The following QSER1 variants were observed in gnomAD, a reference collection of about 807,000 sequenced individuals.
QSER1 encodes the protein glutamine and serine-rich protein 1.
A neutral mutation model predicts 158.5 loss-of-function variants in QSER1; 49 were observed. The observed-to-expected ratio is 0.31, with a 90% confidence interval of 0.25 to 0.39. The LOEUF is 0.39. QSER1 is among the 10% of genes least tolerant of loss of function. The pLI, the probability that QSER1 is intolerant of heterozygous loss-of-function variation, is 1.00. For synonymous variants in QSER1, 650 were observed against 715.5 expected (o/e 0.91, Z 1.46); for missense variants, 1,754 against 2,010.3 (o/e 0.87, Z 2.44).
chr11:32,966,545 T>C, intron 9 of QSER1, 108 bp downstream of exon 9: 1 of 938,178 alleles, frequency 1.1e-6, no homozygotes, highest in Non-Finnish European at 1.5e-6. Flanking sequence ...TATATACCTA[T>C]AAATTGTCAG....
intron 1 of QSER1, among the ~76,000 whole-genome samples, chr11:32,915,868 C>T (rs761389895): frequency 1.3e-5 from 2 of 151,528 alleles, no homozygotes; most frequent in Non-Finnish European, 2.9e-5. Context: ...GGTAGTGTTG[C>T]GTAGTTCATG....
At chr11:32,919,799 G>A (rs577765023) in intron 1 of QSER1, among the ~76,000 whole-genome samples, 6 of 152,184 alleles carry the variant, frequency 3.9e-5, no homozygotes, top group African/African-American at 1.4e-4. Context: ...TTATTCAATC[G>A]TTTATCAGTA....
At chr11:32,974,104 GC>G (rs1852924406) in intron 11 of QSER1, among the ~76,000 whole-genome samples, 1 of 152,068 alleles carries the variant, frequency 6.6e-6, no homozygotes, top group Non-Finnish European at 1.5e-5. Context: ...AAACAGTTTG[GC>G]AACATATCAA....
At chr11:32,957,109 GTTTTTCTTTTTTTTCTTTT>G (rs1852527846) in intron 7 of QSER1, among the ~76,000 whole-genome samples, 1 of 144,364 alleles carries the variant, frequency 6.9e-6, no homozygotes, top group Non-Finnish European at 1.5e-5. Context: ...ATGCATTTGG[GTTTTTCTTTTTTTTCTTTT>G]TTTTTCTTTT....
At chr11:32,915,921 G>GTTT (rs763908776) in intron 1 of QSER1, among the ~76,000 whole-genome samples, 14 of 142,194 alleles carry the variant, frequency 9.8e-5, no homozygotes, top group Non-Finnish European at 1.4e-4. Context: ...ATATAATTTT[G>GTTT]TTTTTTTTTT....
At chr11:32,918,886 T>C (rs1038299143) in intron 1 of QSER1, among the ~76,000 whole-genome samples, 2 of 152,158 alleles carry the variant, frequency 1.3e-5, no homozygotes, top group East Asian at 1.9e-4. Flanking sequence ...TTTTTTTAAA[T>C]GTAGACTTCA....
In QSER1 at chr11:32,895,532, T is replaced by A. The variant is rs79786128; in HGVS notation, c.209+2198T>A. Among the ~76,000 whole-genome samples the A allele has an allele frequency of 2.2e-3, 334 of 152,352 alleles. 10 individuals are homozygous for A. In the East Asian group the frequency reaches 0.06, roughly 27 times the overall value. On this transcript the variant is annotated intron_variant, in intron 1 of 12. Transcript: ENST00000650167. ...CTACACTTCAGAAGCTTATTTATAT[T>A]TTTATACCATTTTAAAAAGCTTTTT...
intron 4 of QSER1, among the ~76,000 whole-genome samples, chr11:32,936,388 A>G (rs1852154086): frequency 6.6e-6 from 1 of 152,192 alleles, no homozygotes; most frequent in South Asian, 2.1e-4. Context: ...ATGGCTGCAT[A>G]GTATTCCATG....
chr11:32,957,783 C>G (rs1380700349), intron 7 of QSER1, 86 bp from the exon 8 acceptor site: 1 of 1,075,226 alleles, frequency 9.3e-7, no homozygotes, highest in African/African-American at 1.6e-5. Flanking sequence ...AGATAATCTT[C>G]TCCTGTGATT....
intron 4 of QSER1, among the ~76,000 whole-genome samples, chr11:32,940,572 A>G (rs939429071): frequency 2.6e-5 from 4 of 152,148 alleles, no homozygotes; most frequent in African/African-American, 7.2e-5. Context: ...TTTATCATAC[A>G]TAATAGGGAT....
chr11:32,894,954 CTCA>C (rs979044798), intron 1 of QSER1, among the ~76,000 whole-genome samples: 1 of 152,190 alleles, frequency 6.6e-6, no homozygotes, highest in African/African-American at 2.4e-5. Context: ...AAATTACTTT[CTCA>C]TCATTGAACA....
At chr11:32,937,168 A>C (rs1160452194) in intron 4 of QSER1, among the ~76,000 whole-genome samples, 1 of 152,154 alleles carries the variant, frequency 6.6e-6, no homozygotes, top group Non-Finnish European at 1.5e-5. Context: ...CCCGATCCTT[A>C]CTATTAGGTC....
intron 8 of QSER1, among the ~76,000 whole-genome samples, chr11:32,964,848 G>A (rs1010019822): frequency 6.6e-6 from 1 of 150,804 alleles, no homozygotes; most frequent in Non-Finnish European, 1.5e-5. Flanking sequence ...TGCTATTTAA[G>A]GGTGTGACTT....
At chr11:32,923,705 C>T (rs886087847) in intron 1 of QSER1, among the ~76,000 whole-genome samples, 1 of 150,270 alleles carries the variant, frequency 6.7e-6, no homozygotes, top group African/African-American at 2.5e-5. Context: ...CACGGTGGCT[C>T]ACACCTGTAA....
intron 4 of QSER1, among the ~76,000 whole-genome samples, chr11:32,949,078 A>G (rs560773631): frequency 3.0e-4 from 45 of 152,252 alleles, no homozygotes; most frequent in African/African-American, 9.6e-4. Context: ...ATTTAATTCT[A>G]TCATCATTAA....
In QSER1 at chr11:32,976,555, T is replaced by C. The variant is rs899664758; in HGVS notation, c.*81T>C. On this transcript the variant is annotated 3_prime_UTR_variant, in exon 13 of 13. Coordinates refer to ENST00000650167, the MANE Select transcript of QSER1 (RefSeq NM_001076786.3). ...TGGTCAAAGATAATCAGATGTCAAG[T>C]AGTGGCCTTCTGCAGGCCGGCCGCT... 6.7e-6 allele frequency: 10 copies of C among 1,481,650 alleles called. No individual in the cohort carries two copies. Among genetic ancestry groups the C allele is most frequent in the Non-Finnish European group, 8.3e-6 (9 of 1,079,774 alleles). 91.8% of individuals were successfully genotyped at this position (1,481,650 alleles called of 1,614,324 possible).
At chr11:32,931,044 ATATT>A (rs1306356856) in intron 3 of QSER1, among the ~76,000 whole-genome samples, 4 of 151,942 alleles carry the variant, frequency 2.6e-5, no homozygotes, top group Admixed American at 6.6e-5. Context: ...CTGTTTTTTT[ATATT>A]TATTTATCAT....
At chr11:32,946,733 C>G (rs1358826528) in intron 4 of QSER1, among the ~76,000 whole-genome samples, 1 of 152,006 alleles carries the variant, frequency 6.6e-6, no homozygotes, top group African/African-American at 2.4e-5. Context: ...GCAGGCAGGC[C>G]TCCTTGAGCT....
chr11:32,916,968 G>T (rs1459577247), intron 1 of QSER1, among the ~76,000 whole-genome samples: 1 of 152,178 alleles, frequency 6.6e-6, no homozygotes, highest in East Asian at 1.9e-4. Context: ...TGTATTTTTA[G>T]TAGAGACGGG....
Sources: allele counts gnomAD v4.1 joint callset (sites outside exome capture counted in the v4.1 genomes callset), GRCh38; gene constraint gnomAD v4.1.1; transcripts MANE v1.5; gene names NCBI Gene and HGNC (gene_info 2026-07-23, HGNC 2026-07-21).